CRBN: variants seen among roughly 807,000 people sequenced by gnomAD.
CRBN encodes the protein protein cereblon.
A neutral mutation model predicts 62.2 loss-of-function variants in CRBN; 53 were observed. The observed-to-expected ratio is 0.85, with a 90% confidence interval of 0.68 to 1.07. The LOEUF (loss-of-function observed/expected upper bound fraction) is 1.07, where lower values mean the gene tolerates loss of function less well. CRBN is among the 50% of genes least tolerant of loss of function. The pLI, the probability that CRBN is intolerant of heterozygous loss-of-function variation, is 0.00. For missense variants in CRBN, 616 were observed against 531.1 expected (o/e 1.16, Z -1.57); for synonymous variants, 208 against 176.1 (o/e 1.18, Z -1.43).
At chr3:3,165,207 T>G (rs1707282725) in intron 5 of CRBN, among the ~76,000 whole-genome samples, 1 of 152,214 alleles carries the variant, frequency 6.6e-6, no homozygotes, top group Non-Finnish European at 1.5e-5. Flanking sequence ...AGTGGTTTCT[T>G]GAGAAGAAAT....
chr3:3,166,325 G>A (rs568197612), intron 5 of CRBN, among the ~76,000 whole-genome samples: 16 of 152,236 alleles, frequency 1.1e-4, no homozygotes, highest in African/African-American at 3.6e-4. Flanking sequence ...TATGTAAGAC[G>A]TGACTTGCTC....
intron 10 of CRBN, 74 bp downstream of exon 10, chr3:3,152,382 C>G (rs1316784611): frequency 1.4e-6 from 2 of 1,471,752 alleles, no homozygotes; most frequent in Non-Finnish European, 1.9e-6. Flanking sequence ...GGCAACTCTG[C>G]TTAGGACTCT....
chr3:3,156,518 A>G, intron 5 of CRBN: 1 of 531,806 alleles, frequency 1.9e-6, no homozygotes, highest in Non-Finnish European at 3.3e-6. Context: ...AAGGTCAAAC[A>G]TTAAAATTTC....
At chr3:3,152,870 A>G in intron 9 of CRBN, 2 of 452,290 alleles carry the variant, frequency 4.4e-6, no homozygotes, top group Non-Finnish European at 8.1e-6. Context: ...TAAAGAATAT[A>G]AAACTCAAAT....
chr3:3,155,678 G>GT (rs1404747450), intron 6 of CRBN: 2 of 154,624 alleles, frequency 1.3e-5, no homozygotes, highest in Non-Finnish European at 2.9e-5. Context: ...ATCAAGAGAC[G>GT]TAAGTTAATA....
chr3:3,171,076 A>AT (rs1333263818), intron 4 of CRBN, among the ~76,000 whole-genome samples: 1 of 152,178 alleles, frequency 6.6e-6, no homozygotes, highest in African/African-American at 2.4e-5. Context: ...AAATACTGGG[A>AT]TTACAGGCAT....
Position 3,150,716 on chromosome 3 carries a change from A to C in CRBN, c.*149T>G. On this transcript the variant is annotated 3_prime_UTR_variant, in exon 11 of 11. Transcript: ENST00000231948. ...ACTTAAAAGTTTCAAATACAGTTTC[A>C]CTTAGAAACTGCAACCCTCCAAGTA... 1 of 754,446 alleles carries C rather than the reference A, an allele frequency of 1.3e-6. No homozygotes were observed. The highest frequency in any genetic ancestry group is 2.1e-6 in the Non-Finnish European group (1 of 473,944). 46.7% of individuals were successfully genotyped at this position (754,446 alleles called of 1,614,324 possible).
At position 3,156,236 on chromosome 3, in the gene CRBN, AC is replaced by A. The variant is rs758020823; in HGVS notation, c.732del (p.Tyr245IlefsTer9). ...TTACTTACAGCATCATATAAGGAAT[AC>A]AGCCAGCGAGGCCATGAAGTTAGAT... Reference protein sequence around the residue: ...CANLTSWPRWLYSLYDAETLM... With the variant: ...CANLTSWPRWXYSLYDAETLM... On this transcript the variant is annotated frameshift_variant, in exon 6 of 11. Coordinates refer to ENST00000231948, the MANE Select transcript of CRBN (RefSeq NM_016302.4). LOFTEE classifies it high-confidence loss of function. 1.2e-6 allele frequency: 2 copies of A among 1,613,976 alleles called. No homozygotes were observed.
Position 3,167,708 on chromosome 3 carries a change from A to C in CRBN, c.613T>G (p.Cys205Gly). ...ACAGGTTTTGAAGGAAATATCTGGCACTTATTGAGGGATTCTAATTGAACT... is the reference window on the plus strand; with the variant it reads ...ACAGGTTTTGAAGGAAATATCTGGCCCTTATTGAGGGATTCTAATTGAACT... ...SAVQLESLNKCQIFPSKPVSR... is the reference protein window; with the variant it reads ...SAVQLESLNKGQIFPSKPVSR... The change falls in exon 5 of 11, where the codon TGC becomes GGC. Residue 205 changes from cysteine to glycine, a missense_variant. Coordinates refer to ENST00000231948, the MANE Select transcript of CRBN (RefSeq NM_016302.4). 1 of 1,613,622 alleles carries C rather than the reference A, an allele frequency of 6.2e-7. No homozygotes were observed. The highest frequency in any genetic ancestry group is 8.5e-7 in the Non-Finnish European group (1 of 1,179,634).
In CRBN at chr3:3,150,617, A is replaced by C. The variant is rs1706457843; in HGVS notation, c.*248T>G. 1 of 427,246 alleles carries C rather than the reference A, an allele frequency of 2.3e-6. No homozygotes were observed. The highest frequency in any genetic ancestry group is 4.4e-6 in the Non-Finnish European group (1 of 229,202). 26.5% of individuals were successfully genotyped at this position (427,246 alleles called of 1,614,324 possible). A position where few individuals can be genotyped will look rare whatever the true frequency, so the allele number is the denominator to read the frequency against. On this transcript the variant is annotated 3_prime_UTR_variant, in exon 11 of 11. Transcript: ENST00000231948. ...TACCAGACATATCAGATTCCACAGG[A>C]TAATGGCACCAAGCTACCCAAGTAG...
intron 5 of CRBN, among the ~76,000 whole-genome samples, chr3:3,165,115 G>A (rs557299035): frequency 4.6e-5 from 7 of 152,234 alleles, no homozygotes; most frequent in African/African-American, 1.7e-4. Context: ...AGTTAGAAGT[G>A]GAACCCACAG....
At chr3:3,153,231 C>T in intron 9 of CRBN, 193 bp downstream of exon 9, 2 of 538,428 alleles carry the variant, frequency 3.7e-6, no homozygotes, top group Admixed American at 3.3e-5. Flanking sequence ...GTGAATAATC[C>T]CTGACATGCA....
rs1027801028 is a variant in CRBN, at chr3:3,177,729, C to A, written c.67+1892G>T. Among the ~76,000 whole-genome samples, 4 of 152,282 alleles carry A rather than the reference C, an allele frequency of 2.6e-5. 1 individual carries two copies. The highest frequency in any genetic ancestry group is 9.6e-5 in the African/African-American group (4 of 41,554). On this transcript the variant is annotated intron_variant, in intron 1 of 10. Coordinates refer to ENST00000231948, the MANE Select transcript of CRBN (RefSeq NM_016302.4). ...AGTCTCTAAATAATTTCTTTAGTAA[C>A]CTTTTTTTCATAAATATGGCTAAAA...
intron 4 of CRBN, 133 bp downstream of exon 4, chr3:3,172,643 A>T: frequency 1.1e-6 from 1 of 926,512 alleles, no homozygotes; most frequent in African/African-American, 1.6e-5. Flanking sequence ...CCACTGGGCT[A>T]TACCTTAGAA....
chr3:3,167,591 C>G lies in CRBN; in HGVS notation c.687+43G>C, dbSNP rs767060960. 1.6e-5 allele frequency: 26 copies of G among 1,581,728 alleles called. No homozygotes were observed. The Admixed American group carries it at 4.4e-4, about 27-fold the overall frequency. On this transcript the variant is annotated intron_variant, in intron 5 of 10. Transcript: ENST00000231948. ...TTCTTAAAACAGGAAAAAAAACAACCTGTCTTCATTTTTTGAAGATGCATA... is the reference window on the plus strand; with the variant it reads ...TTCTTAAAACAGGAAAAAAAACAACGTGTCTTCATTTTTTGAAGATGCATA...
chr3:3,159,480 G>T lies in CRBN; in HGVS notation c.688-3199C>A, dbSNP rs532241668. Among the ~76,000 whole-genome samples the T allele has an allele frequency of 2.6e-4, 39 of 152,156 alleles. 1 individual carries two copies. The highest frequency in any genetic ancestry group is 5.9e-5 in the Non-Finnish European group (4 of 68,024). Reference sequence around the variant, plus strand: ...AAGTGTAATTTCATTTGGCACCCATGTCAAGAAAAAGAATCTGAAATAATA... The same window carrying T: ...AAGTGTAATTTCATTTGGCACCCATTTCAAGAAAAAGAATCTGAAATAATA... On this transcript the variant is annotated intron_variant, in intron 5 of 10. Transcript: ENST00000231948.
chr3:3,170,966 C>T (rs972852099), intron 4 of CRBN, among the ~76,000 whole-genome samples: 4 of 152,054 alleles, frequency 2.6e-5, no homozygotes, highest in East Asian at 3.9e-4. Flanking sequence ...CCACCATGCC[C>T]GGCTAACTTT....
intron 1 of CRBN, among the ~76,000 whole-genome samples, chr3:3,176,038 C>A (rs986755100): frequency 6.6e-6 from 1 of 152,178 alleles, no homozygotes. Context: ...CCTTTCCCCC[C>A]TCCTTTTCAC....
At chr3:3,159,415 C>G (rs1707045892) in intron 5 of CRBN, among the ~76,000 whole-genome samples, 1 of 152,140 alleles carries the variant, frequency 6.6e-6, no homozygotes, top group Admixed American at 6.5e-5. Flanking sequence ...AGAATGGTCA[C>G]TTTTGTAATA....
Sources: allele counts gnomAD v4.1 joint callset (sites outside exome capture counted in the v4.1 genomes callset), GRCh38; gene constraint gnomAD v4.1.1; transcripts MANE v1.5; gene names NCBI Gene and HGNC (gene_info 2026-07-23, HGNC 2026-07-21).